The following PCDH7 variants were observed in gnomAD, a reference collection of about 807,000 sequenced individuals.
PCDH7 encodes protocadherin 7.
A neutral mutation model predicts 58.9 loss-of-function variants in PCDH7; 17 were observed. The ratio of observed to expected loss-of-function variants is 0.29; its 90% confidence interval spans 0.20 to 0.43. The LOEUF (loss-of-function observed/expected upper bound fraction) is 0.43, where lower values mean the gene tolerates loss of function less well. PCDH7 is among the 20% of genes least tolerant of loss of function. PCDH7 has a pLI of 1.00. For missense variants in PCDH7, 1,274 were observed against 1,441.0 expected (o/e 0.88, Z 1.88); for synonymous variants, 664 against 616.4 (o/e 1.08, Z -1.14).
At chr4:30,806,251 A>C (rs1726182083) in intron 1 of PCDH7, among the ~76,000 whole-genome samples, 1 of 152,120 alleles carries the variant, frequency 6.6e-6, no homozygotes, top group Non-Finnish European at 1.5e-5. Context: ...CTCTTTTCTC[A>C]GAGCTATTCA....
chr4:30,950,138 C>T (rs970304065), exon 3 of PCDH7: 1 of 152,636 alleles, frequency 6.6e-6, no homozygotes, highest in African/African-American at 2.4e-5. Context: ...GCCATCACTA[C>T]CTTTCCCTTC....
chr4:30,960,155 G>GGAAGGAAGGA (rs1560535356), intron 3 of PCDH7, among the ~76,000 whole-genome samples: 6 of 48,902 alleles, frequency 1.2e-4, no homozygotes, highest in Non-Finnish European at 1.4e-4. Context: ...GGAAGGAAGG[G>GGAAGGAAGGA]AGGGAGGGAG....
chr4:31,072,245 T>G (rs1350470131), intron 3 of PCDH7, among the ~76,000 whole-genome samples: 1 of 152,116 alleles, frequency 6.6e-6, no homozygotes, highest in African/African-American at 2.4e-5. Flanking sequence ...AGGAAAAGAA[T>G]TATAATTACA....
chr4:30,964,190 T>C (rs4380481), intron 3 of PCDH7, among the ~76,000 whole-genome samples: 116,229 of 151,578 alleles, frequency 0.77, 45,435 homozygotes, highest in African/African-American at 0.94. Flanking sequence ...GGGGAAGTGA[T>C]AGGGTATATT....
chr4:30,765,890 G>T (rs1367394613), intron 1 of PCDH7, among the ~76,000 whole-genome samples: 2 of 152,116 alleles, frequency 1.3e-5, no homozygotes, highest in Non-Finnish European at 2.9e-5. Context: ...TTACTAGAAG[G>T]CAGTCGGTTC....
At chr4:31,043,985 C>A in intron 3 of PCDH7, among the ~76,000 whole-genome samples, 1 of 152,050 alleles carries the variant, frequency 6.6e-6, no homozygotes, top group East Asian at 1.9e-4. Flanking sequence ...AGTAGTTTAC[C>A]TTTCTCTAAG....
At chr4:30,961,416 G>T (rs550230642) in intron 3 of PCDH7, among the ~76,000 whole-genome samples, 2 of 151,746 alleles carry the variant, frequency 1.3e-5, no homozygotes, top group Non-Finnish European at 2.9e-5. Context: ...GCCAGGTGTG[G>T]TAGCGGGTGC....
intron 1 of PCDH7, among the ~76,000 whole-genome samples, chr4:30,889,665 G>A (rs948441474): frequency 3.3e-5 from 5 of 152,096 alleles, no homozygotes; most frequent in Admixed American, 3.3e-4. Context: ...GTCTGTTGAG[G>A]ACCTGTTCTT....
chr4:31,126,234 A>G (rs547046153), intron 3 of PCDH7, among the ~76,000 whole-genome samples: 1 of 149,436 alleles, frequency 6.7e-6, no homozygotes, highest in Non-Finnish European at 1.5e-5. Flanking sequence ...AGAGATTCTC[A>G]TGCCCCTGCT....
chr4:31,009,552 C>A (rs2109149767), intron 3 of PCDH7, among the ~76,000 whole-genome samples: 1 of 152,032 alleles, frequency 6.6e-6, no homozygotes, highest in African/African-American at 2.4e-5. Flanking sequence ...GGGCAAAATT[C>A]CAGTCACTAA....
intron 1 of PCDH7, among the ~76,000 whole-genome samples, chr4:30,747,119 C>G (rs1717882434): frequency 6.6e-6 from 1 of 152,082 alleles, no homozygotes; most frequent in South Asian, 2.1e-4. Flanking sequence ...TTTCTAAAGG[C>G]ATTAGCTGAA....
intron 3 of PCDH7, among the ~76,000 whole-genome samples, chr4:31,035,456 G>A (rs1755330285): frequency 6.6e-6 from 1 of 152,006 alleles, no homozygotes; most frequent in South Asian, 2.1e-4. Context: ...GTTTCACCAC[G>A]TTGGCCAGGC....
chr4:31,083,225 A>G (rs1711843084), intron 3 of PCDH7, among the ~76,000 whole-genome samples: 1 of 152,192 alleles, frequency 6.6e-6, no homozygotes, highest in Non-Finnish European at 1.5e-5. Flanking sequence ...TCCACATCAC[A>G]AAACCCCTTG....
At chr4:30,958,730 T>G (rs1376470958) in intron 3 of PCDH7, among the ~76,000 whole-genome samples, 2 of 151,980 alleles carry the variant, frequency 1.3e-5, no homozygotes, top group Non-Finnish European at 2.9e-5. Context: ...ATTTTGATAT[T>G]TATCTAAATT....
chr4:30,859,984 T>C (rs1328543179), intron 1 of PCDH7, among the ~76,000 whole-genome samples: 1 of 152,154 alleles, frequency 6.6e-6, no homozygotes, highest in Non-Finnish European at 1.5e-5. Context: ...AGGCTGGGAA[T>C]CTTTCAGGTT....
intron 1 of PCDH7, among the ~76,000 whole-genome samples, chr4:30,880,076 A>G (rs921415753): frequency 7.2e-5 from 11 of 152,116 alleles, no homozygotes; most frequent in Non-Finnish European, 1.5e-4. Flanking sequence ...GGAATATTTA[A>G]TGGAATGTCC....
chr4:30,724,793 G>A (rs189870882), intron 1 of PCDH7, 197 bp downstream of exon 1: 3 of 1,403,350 alleles, frequency 2.1e-6, no homozygotes, highest in East Asian at 5.2e-5. Flanking sequence ...TTGCAAATTA[G>A]AATTAAGGTT....
rs116818602 is a variant in PCDH7 at position 31,135,477 on chromosome 4, T to G, written c.*8-6996T>G. Among the ~76,000 whole-genome samples, 54 of 152,286 alleles carry G rather than the reference T, an allele frequency of 3.5e-4. 1 individual carries two copies. The South Asian group carries it at 9.3e-3, about 26-fold the overall frequency. Reference sequence around the variant, plus strand: ...CCAGTGGCCAGCGTATGTCTCTAGATAGATAGTAGCTCTGTGTATCACAGA... The same window carrying G: ...CCAGTGGCCAGCGTATGTCTCTAGAGAGATAGTAGCTCTGTGTATCACAGA... On this transcript the variant is annotated intron_variant, in intron 3 of 3. Transcript: ENST00000509759.
chr4:30,952,955 T>C (rs183828944), intron 3 of PCDH7, among the ~76,000 whole-genome samples: 57 of 152,300 alleles, frequency 3.7e-4, no homozygotes, highest in African/African-American at 1.3e-3. Context: ...AATCTGTTAG[T>C]TTTACACATA....
Sources: allele counts gnomAD v4.1 joint callset (sites outside exome capture counted in the v4.1 genomes callset), GRCh38; gene constraint gnomAD v4.1.1; transcripts MANE v1.5; gene names NCBI Gene and HGNC (gene_info 2026-07-23, HGNC 2026-07-21).